The following THSD4 variants were observed in gnomAD, a reference collection of about 807,000 sequenced individuals.
THSD4 encodes thrombospondin type 1 domain containing 4.
Under a neutral mutation model 119.0 loss-of-function variants are expected in THSD4, and 69 were observed. The observed-to-expected ratio is 0.58, with a 90% CI of 0.48 to 0.71. THSD4 has a LOEUF of 0.71. Among genes scored for constraint, THSD4 ranks in the 30% least tolerant of loss-of-function variants. The pLI is 0.00. For synonymous variants in THSD4, 524 were observed against 540.4 expected, an observed-to-expected ratio of 0.97 and a Z score of 0.42; for missense variants, 1,393 against 1,391.1, an observed-to-expected ratio of 1.00 and a Z score of -0.02.
At chr15:71,255,353 G>C (rs950433475) in intron 5 of THSD4, among the ~76,000 whole-genome samples, 12 of 152,108 alleles carry the variant, frequency 7.9e-5, no homozygotes, top group Non-Finnish European at 1.6e-4. Flanking sequence ...GTTATTTTCT[G>C]TCTCATACTT....
chr15:71,599,446 A>G (rs748270761), intron 7 of THSD4, among the ~76,000 whole-genome samples: 9 of 152,096 alleles, frequency 5.9e-5, no homozygotes, highest in Non-Finnish European at 1.3e-4. Flanking sequence ...CATCCACATC[A>G]TAATGCTTTC....
intron 4 of THSD4, among the ~76,000 whole-genome samples, chr15:71,233,971 G>A (rs1260003507): frequency 6.6e-6 from 1 of 152,224 alleles, no homozygotes; most frequent in Non-Finnish European, 1.5e-5. Flanking sequence ...GCTTGGCAAA[G>A]GAAGCAAGCT....
intron 1 of THSD4, among the ~76,000 whole-genome samples, chr15:71,128,337 G>A (rs1340646222): frequency 6.6e-6 from 1 of 152,008 alleles, no homozygotes; most frequent in African/African-American, 2.4e-5. Context: ...GACCAGCCTG[G>A]CCAACACGGT....
At chr15:71,695,259 C>A (rs1425278383) in intron 8 of THSD4, among the ~76,000 whole-genome samples, 1 of 152,084 alleles carries the variant, frequency 6.6e-6, no homozygotes, top group East Asian at 1.9e-4. Flanking sequence ...CTGGTTTAAC[C>A]TGGCCCATTT....
chr15:71,235,250 G>A (rs946215781), intron 4 of THSD4, among the ~76,000 whole-genome samples: 17 of 152,218 alleles, frequency 1.1e-4, no homozygotes, highest in Admixed American at 1.0e-3. Context: ...CCAGGACCCT[G>A]TGATACTTAG....
At chr15:71,438,576 G>A (rs1484739240) in intron 7 of THSD4, among the ~76,000 whole-genome samples, 1 of 151,938 alleles carries the variant, frequency 6.6e-6, no homozygotes, top group Non-Finnish European at 1.5e-5. Flanking sequence ...TTTTCAGATG[G>A]CTACCCAATT....
At chr15:71,555,731 A>G (rs988962099) in intron 7 of THSD4, among the ~76,000 whole-genome samples, 2 of 152,204 alleles carry the variant, frequency 1.3e-5, no homozygotes, top group East Asian at 3.8e-4. Flanking sequence ...ATAGTCTCCT[A>G]TATTGCTTTC....
intron 8 of THSD4, among the ~76,000 whole-genome samples, chr15:71,671,788 G>A (rs575683468): frequency 1.3e-5 from 2 of 152,144 alleles, no homozygotes; most frequent in African/African-American, 2.4e-5. Context: ...GAGATCAGAT[G>A]GTTGTAGATA....
intron 3 of THSD4, among the ~76,000 whole-genome samples, chr15:71,207,130 C>T (rs2043850542): frequency 6.6e-6 from 1 of 151,906 alleles, no homozygotes; most frequent in African/African-American, 2.4e-5. Flanking sequence ...TTTATTTGAC[C>T]ATCCTTATAT....
chr15:71,486,625 T>TG lies in THSD4; in HGVS notation c.1152+74802_1152+74803insG, dbSNP rs1567003386. 1.4e-3 allele frequency among the ~76,000 whole-genome samples: 205 copies of TG among 150,826 alleles called. 7 individuals are homozygous for TG. In the South Asian group the frequency reaches 0.041, roughly 30 times the overall value. Reference sequence around the variant, plus strand: ...GTTTCTTTTCTGTTTTTTTTTTTTTTTTTTTTTTTTTATTTCCCACTCCTC... The same window carrying TG: ...GTTTCTTTTCTGTTTTTTTTTTTTTTGTTTTTTTTTTTATTTCCCACTCCTC... On this transcript the variant is annotated intron_variant, in intron 7 of 17. Coordinates refer to ENST00000261862, the MANE Select transcript of THSD4 (RefSeq NM_024817.3).
chr15:71,728,877 G>T, intron 9 of THSD4, 153 bp downstream of exon 9: 1 of 954,456 alleles, frequency 1.0e-6, no homozygotes, highest in African/African-American at 1.6e-5. Flanking sequence ...AATGCTTGGC[G>T]TTCATCTTTG....
At chr15:71,329,629 G>C (rs954365234) in intron 6 of THSD4, among the ~76,000 whole-genome samples, 3 of 152,208 alleles carry the variant, frequency 2.0e-5, no homozygotes, top group African/African-American at 7.2e-5. Context: ...ACATTCCCGA[G>C]ACGCCAGCTC....
At chr15:71,586,957 C>G (rs1219557731) in intron 7 of THSD4, among the ~76,000 whole-genome samples, 2 of 152,080 alleles carry the variant, frequency 1.3e-5, no homozygotes, top group African/African-American at 2.4e-5. Context: ...CATCTCTGAC[C>G]CTTTACAGTT....
At chr15:71,286,974 T>C (rs548434007) in intron 6 of THSD4, among the ~76,000 whole-genome samples, 1 of 152,228 alleles carries the variant, frequency 6.6e-6, no homozygotes, top group African/African-American at 2.4e-5. Context: ...CTATAACTTT[T>C]GCTGATGTGG....
At chr15:71,490,379 T>C (rs1036824003) in intron 7 of THSD4, among the ~76,000 whole-genome samples, 1 of 152,002 alleles carries the variant, frequency 6.6e-6, no homozygotes. Flanking sequence ...GCTAACACGG[T>C]GAAACCCCGT....
chr15:71,331,746 G>C (rs1359092211), intron 6 of THSD4, among the ~76,000 whole-genome samples: 1 of 152,148 alleles, frequency 6.6e-6, no homozygotes, highest in Non-Finnish European at 1.5e-5. Flanking sequence ...TTTTGTGGAG[G>C]GAATGGGAGG....
intron 7 of THSD4, among the ~76,000 whole-genome samples, chr15:71,537,636 G>T (rs370056774): frequency 1.3e-5 from 2 of 152,010 alleles, no homozygotes; most frequent in African/African-American, 4.8e-5. Context: ...AAAAAGTTCC[G>T]TAATGATAAG....
intron 6 of THSD4, among the ~76,000 whole-genome samples, chr15:71,297,324 G>C (rs112826561): frequency 1.5e-5 from 1 of 66,684 alleles, no homozygotes; most frequent in Admixed American, 1.7e-4. Context: ...TCTTTTTTTT[G>C]TTTGTTTGTT....
At chr15:71,193,585 AATTATAGCTCCCAT>A (rs895202078) in intron 3 of THSD4, among the ~76,000 whole-genome samples, 1 of 152,112 alleles carries the variant, frequency 6.6e-6, no homozygotes, top group Non-Finnish European at 1.5e-5. Flanking sequence ...TCTCATCTTG[AATTATAGCTCCCAT>A]AATTCCCACG....
Sources: gnomAD v4.1 joint callset for allele counts (sites outside exome capture counted in the v4.1 genomes callset) on GRCh38, gnomAD v4.1.1 for gene constraint, MANE v1.5 for transcripts, NCBI Gene and HGNC (gene_info 2026-07-23, HGNC 2026-07-21) for gene names.